The following HERC2 variants were observed in gnomAD, a reference collection of about 807,000 sequenced individuals.
HERC2 encodes E3 ubiquitin-protein ligase HERC2.
Under a neutral mutation model 537.7 loss-of-function variants are expected in HERC2, and 102 were observed. The ratio of observed to expected loss-of-function variants is 0.19; its 90% CI spans 0.16 to 0.22. HERC2 has a LOEUF of 0.22. HERC2 is among the 10% of genes least tolerant of loss of function. HERC2 has a pLI of 1.00. For missense variants in HERC2, 4,236 were observed against 6,198.2 expected, an observed-to-expected ratio of 0.68 and a Z score of 10.63; for synonymous variants, 2,224 against 2,466.2, an observed-to-expected ratio of 0.90 and a Z score of 2.91.
chr15:28,255,092 T>A (rs901308602), intron 19 of HERC2, among the ~76,000 whole-genome samples: 1 of 152,090 alleles, frequency 6.6e-6, no homozygotes, highest in Non-Finnish European at 1.5e-5. Flanking sequence ...TCCCAACACT[T>A]TGGGAGGACA....
At chr15:28,188,284 T>A (rs1391635313) in intron 55 of HERC2, among the ~76,000 whole-genome samples, 1 of 152,202 alleles carries the variant, frequency 6.6e-6, no homozygotes, top group East Asian at 1.9e-4. Context: ...GGCTCACGCC[T>A]GTAATCCCAG....
intron 35 of HERC2, among the ~76,000 whole-genome samples, chr15:28,227,511 G>C (rs1197932091): frequency 6.7e-6 from 1 of 149,992 alleles, no homozygotes; most frequent in Non-Finnish European, 1.5e-5. Context: ...CAGGGAAGCA[G>C]AGAAACTGGA....
At chr15:28,321,626 G>A (rs1300689262) in intron 1 of HERC2, among the ~76,000 whole-genome samples, 162 bp from the exon 2 acceptor site, 1 of 125,358 alleles carries the variant, frequency 8.0e-6, no homozygotes, top group Non-Finnish European at 1.5e-5. Context: ...AAGAGATGGA[G>A]GGAGAGGGAG....
intron 63 of HERC2, 49 bp from the exon 64 acceptor site, chr15:28,175,705 A>C (rs763965688): frequency 2.3e-5 from 37 of 1,588,062 alleles, no homozygotes; most frequent in Non-Finnish European, 3.0e-5. Flanking sequence ...ATGGTCTGAC[A>C]ATGCTATACA....
chr15:28,251,837 T>C (rs966814051), intron 20 of HERC2, among the ~76,000 whole-genome samples: 1 of 152,156 alleles, frequency 6.6e-6, no homozygotes, highest in African/African-American at 2.4e-5. Flanking sequence ...GTCATACTTA[T>C]CCCAACAGAT....
chr15:28,144,795 C>G lies in HERC2; in HGVS notation c.11018G>C (p.Trp3673Ser). The change falls in exon 72 of 93, where the codon TGG becomes TCG. Residue 3673 changes from tryptophan to serine, a missense_variant. By Grantham distance (177) the Trp-to-Ser change is radical. Around this residue, in one of 27 missense-constraint regions of HERC2, gnomAD observed 356 missense variants for 450.9 expected, o/e 0.79. Transcript: ENST00000261609. ...RIVSVRSGRE[W>S]SDWSSELRIP... ...GCGCAGCTCGCTGGACCAGTCGGAC[C>G]ACTCTCGGCCTGCGGGAGGAAAGCG... The G allele has an allele frequency of 6.2e-7, 1 of 1,614,174 alleles. No homozygotes were observed. Among genetic ancestry groups the G allele is most frequent in the Non-Finnish European group, 8.5e-7 (1 of 1,180,012 alleles).
At chr15:28,236,384 G>A (rs1434634006) in intron 26 of HERC2, among the ~76,000 whole-genome samples, 1 of 151,846 alleles carries the variant, frequency 6.6e-6, no homozygotes, top group Non-Finnish European at 1.5e-5. Flanking sequence ...TCCGTCTCCT[G>A]GGTTCAAGCA....
intron 52 of HERC2, among the ~76,000 whole-genome samples, 186 bp from the exon 53 acceptor site, chr15:28,192,337 G>A (rs1036579830): frequency 6.6e-6 from 1 of 152,128 alleles, no homozygotes; most frequent in Admixed American, 6.5e-5. Flanking sequence ...ATGAGATGAA[G>A]TCCACATAAT....
intron 25 of HERC2, among the ~76,000 whole-genome samples, chr15:28,237,319 G>T (rs1011187867): frequency 6.6e-6 from 1 of 152,220 alleles, no homozygotes; most frequent in African/African-American, 2.4e-5. Context: ...CAGTAAAGCA[G>T]GCAGCAACTG....
intron 2 of HERC2, among the ~76,000 whole-genome samples, chr15:28,314,394 A>G (rs1247898210): frequency 5.3e-5 from 8 of 152,306 alleles, no homozygotes; most frequent in Middle Eastern, 3.4e-3. Context: ...AGACAAGGAG[A>G]TCAATGAAGC....
intron 43 of HERC2, among the ~76,000 whole-genome samples, 178 bp downstream of exon 43, chr15:28,212,267 C>T (rs911044513): frequency 1.3e-5 from 2 of 152,160 alleles, no homozygotes; most frequent in African/African-American, 2.4e-5. Context: ...AAAGCTGACT[C>T]GAAAATACTC....
intron 23 of HERC2, among the ~76,000 whole-genome samples, chr15:28,241,258 T>C (rs894362998): frequency 6.6e-6 from 1 of 151,846 alleles, no homozygotes; most frequent in Admixed American, 6.6e-5. Flanking sequence ...AAATGGTCAA[T>C]AAGCACATGA....
chr15:28,281,565 G>A (rs571116809), intron 4 of HERC2, among the ~76,000 whole-genome samples: 1 of 152,302 alleles, frequency 6.6e-6, no homozygotes, highest in South Asian at 2.1e-4. Flanking sequence ...CGGGACAGGA[G>A]GGCCTTAGAA....
rs1214732262 is a variant in HERC2 at position 28,167,723 on chromosome 15, T to C, written c.10518A>G (p.Ala3506=). 1.2e-6 allele frequency: 2 copies of C among 1,614,156 alleles called. No homozygotes were observed. Among genetic ancestry groups the C allele is most frequent in the Non-Finnish European group, 1.7e-6 (2 of 1,180,008 alleles). Residue 3506 remains alanine (A), a synonymous_variant, in exon 68 of 93, where the codon GCA becomes GCG. Transcript: ENST00000261609. ...FIPVTDDLGA[A]SIIAETMTKT... The stretch of plus-strand genomic sequence containing the variant: ...TGGTCATGGTTTCTGCAATGATGCT[T>C]GCGGCTCCCAGGTCATCCGTCACTG...
chr15:28,250,181 C>T (rs1904163962), intron 20 of HERC2, among the ~76,000 whole-genome samples: 1 of 152,044 alleles, frequency 6.6e-6, no homozygotes, highest in Non-Finnish European at 1.5e-5. Context: ...CCCACTTGCC[C>T]CCGTGGCTCA....
chr15:28,187,323 T>G (rs1387229573), intron 55 of HERC2, among the ~76,000 whole-genome samples: 8 of 142,962 alleles, frequency 5.6e-5, no homozygotes, highest in African/African-American at 7.9e-5. Context: ...GGAGGTCTGG[T>G]TTTTTTTTTT....
intron 19 of HERC2, among the ~76,000 whole-genome samples, chr15:28,255,048 C>T (rs1159666016): frequency 6.6e-6 from 1 of 152,144 alleles, no homozygotes; most frequent in East Asian, 1.9e-4. Flanking sequence ...GGCCAAAAAC[C>T]AGAAAGCCTG....
intron 7 of HERC2, among the ~76,000 whole-genome samples, chr15:28,273,871 TAA>T (rs1440474697): frequency 1.3e-5 from 2 of 152,232 alleles, no homozygotes; most frequent in African/African-American, 4.8e-5. Context: ...TTTTTTACAC[TAA>T]AAAGATCAGC....
chr15:28,198,517 TA>T lies in HERC2; in HGVS notation c.7886-15del, dbSNP rs1567000224. ...GTGGAGGATAGCCTACAGATGTCAA[TA>T]ACAAATCATTATAATCAATATTCAT... On this transcript the variant is annotated splice_polypyrimidine_tract_variant and intron_variant, in intron 49 of 92. Transcript: ENST00000261609. 2 of 1,612,602 alleles carry T rather than the reference TA, an allele frequency of 1.2e-6. No homozygotes were observed. The highest frequency in any genetic ancestry group is 1.7e-6 in the Non-Finnish European group (2 of 1,179,724).
Sources: gnomAD v4.1 joint callset for allele counts (sites outside exome capture counted in the v4.1 genomes callset) on GRCh38, gnomAD v4.1.1 for gene constraint, gnomAD v4.1.1 regional missense constraint, MANE v1.5 for transcripts, NCBI Gene and HGNC (gene_info 2026-07-23, HGNC 2026-07-21) for gene names.